Variants in NR6A1 observed in about 807,000 individuals in gnomAD.
NR6A1 encodes the protein nuclear receptor subfamily 6 group A member 1, also known as retinoic acid receptor-related testis-associated receptor.
In NR6A1, 7 loss-of-function variants were observed where a neutral mutation model predicts 59.1. That is an observed-to-expected ratio of 0.12 (90% CI 0.07 to 0.22). NR6A1 has a LOEUF of 0.22. NR6A1 is among the 10% of genes least tolerant of loss of function. The pLI, the probability that NR6A1 is intolerant of heterozygous loss-of-function variation, is 1.00. For missense variants in NR6A1, 468 were observed against 611.6 expected (o/e 0.77, Z 2.48); for synonymous variants, 243 against 236.1 (o/e 1.03, Z -0.27).
At chr9:124,618,271 C>A (rs1050921463) in intron 2 of NR6A1, among the ~76,000 whole-genome samples, 2 of 152,148 alleles carry the variant, frequency 1.3e-5, no homozygotes, top group African/African-American at 4.8e-5. Flanking sequence ...CACTTGAGGA[C>A]AAAAGTTCGA....
chr9:124,699,951 G>T (rs1588802289), intron 2 of NR6A1, among the ~76,000 whole-genome samples: 1 of 152,140 alleles, frequency 6.6e-6, no homozygotes, highest in East Asian at 1.9e-4. Context: ...CTACCTCCCG[G>T]GTTCAAGTAA....
intron 2 of NR6A1, among the ~76,000 whole-genome samples, chr9:124,579,032 G>A (rs996706998): frequency 3.3e-5 from 5 of 152,154 alleles, no homozygotes; most frequent in South Asian, 2.1e-4. Flanking sequence ...CTGTAATCCC[G>A]GCACTTTGGG....
At chr9:124,569,822 T>G (rs941562867) in intron 2 of NR6A1, among the ~76,000 whole-genome samples, 1 of 152,056 alleles carries the variant, frequency 6.6e-6, no homozygotes, top group Non-Finnish European at 1.5e-5. Context: ...CCACCGCACA[T>G]ACTACTATAA....
At chr9:124,665,278 T>C (rs1029223052) in intron 2 of NR6A1, among the ~76,000 whole-genome samples, 1 of 152,122 alleles carries the variant, frequency 6.6e-6, no homozygotes, top group African/African-American at 2.4e-5. Flanking sequence ...GCCTTGCCAT[T>C]TGTTGAAGTC....
At chr9:124,559,858 A>G (rs1455403491) in intron 2 of NR6A1, among the ~76,000 whole-genome samples, 3 of 152,220 alleles carry the variant, frequency 2.0e-5, no homozygotes, top group Non-Finnish European at 4.4e-5. Context: ...TGAATTATAT[A>G]GTATCAAAAT....
In NR6A1 at chr9:124,522,542, A is replaced by G. The variant is rs1832822856; in HGVS notation, c.*163T>C. On this transcript the variant is annotated 3_prime_UTR_variant, in exon 10 of 10. Coordinates refer to ENST00000487099, the MANE Select transcript of NR6A1 (RefSeq NM_033334.4). The stretch of plus-strand genomic sequence containing the variant: ...CGTGAAATAAATATATAGAAAAATG[A>G]GGTTAAAAAAACAGACAAACAAACA... 3.9e-6 allele frequency: 2 copies of G among 508,568 alleles called. No homozygotes were observed. The highest frequency in any genetic ancestry group is 1.9e-5 in the African/African-American group (1 of 51,948). The allele number at this position is 508,568 out of a possible 1,614,324, so 31.5% of individuals were successfully genotyped here. A position where few individuals can be genotyped will look rare whatever the true frequency, so the allele number is the denominator to read the frequency against.
chr9:124,699,909 T>A (rs748487147), intron 2 of NR6A1, among the ~76,000 whole-genome samples: 1 of 152,162 alleles, frequency 6.6e-6, no homozygotes, highest in Non-Finnish European at 1.5e-5. Context: ...CAGACTGGAG[T>A]GCAGTGGTAT....
intron 1 of NR6A1, among the ~76,000 whole-genome samples, chr9:124,741,892 G>A (rs961022313): frequency 2.0e-5 from 3 of 152,154 alleles, no homozygotes; most frequent in Non-Finnish European, 2.9e-5. Flanking sequence ...GAAAGTGCTC[G>A]GTAGCCATGA....
At chr9:124,740,261 A>G (rs1012675001) in intron 1 of NR6A1, among the ~76,000 whole-genome samples, 67 of 152,212 alleles carry the variant, frequency 4.4e-4, no homozygotes, top group African/African-American at 1.6e-3. Context: ...CCTTTCCTGC[A>G]AACACTCAAG....
chr9:124,590,014 G>A (rs1205970447), intron 2 of NR6A1, among the ~76,000 whole-genome samples: 6 of 123,114 alleles, frequency 4.9e-5, no homozygotes, highest in South Asian at 2.8e-4. Context: ...GCAGTGAGCC[G>A]AGATCGCACC....
At chr9:124,741,004 A>G (rs1462930558) in intron 1 of NR6A1, among the ~76,000 whole-genome samples, 1 of 152,216 alleles carries the variant, frequency 6.6e-6, no homozygotes, top group African/African-American at 2.4e-5. Flanking sequence ...AAATTTCAAG[A>G]GAACAATTTC....
At chr9:124,623,522 G>A (rs1461511208) in intron 2 of NR6A1, among the ~76,000 whole-genome samples, 4 of 147,082 alleles carry the variant, frequency 2.7e-5, no homozygotes, top group African/African-American at 1.1e-4. Flanking sequence ...ACCATGCCTG[G>A]CTAATTTTTT....
chr9:124,538,650 CAA>C (rs1054108363), intron 5 of NR6A1, among the ~76,000 whole-genome samples: 1 of 152,084 alleles, frequency 6.6e-6, no homozygotes, highest in African/African-American at 2.4e-5. Flanking sequence ...ACTATGATGA[CAA>C]AGTAGGTATT....
intron 2 of NR6A1, among the ~76,000 whole-genome samples, chr9:124,718,803 CTTTTTTTTT>C (rs11316308): frequency 1.5e-5 from 1 of 64,538 alleles, no homozygotes; most frequent in African/African-American, 5.7e-5. Context: ...AAATTGTTAC[CTTTTTTTTT>C]TTTTTTTTTT....
intron 2 of NR6A1, among the ~76,000 whole-genome samples, chr9:124,629,355 AAATAT>A (rs2130877160): frequency 1.3e-5 from 2 of 152,388 alleles, no homozygotes; most frequent in South Asian, 4.1e-4. Context: ...CAAGTTATTT[AAATAT>A]AATTATGACA....
chr9:124,692,428 G>A (rs763938684), intron 2 of NR6A1: 1 of 527,546 alleles, frequency 1.9e-6, no homozygotes, highest in Non-Finnish European at 3.9e-6. Context: ...CTTGGGATGT[G>A]GATGGGAGAA....
intron 2 of NR6A1, among the ~76,000 whole-genome samples, chr9:124,720,787 A>G (rs1255902735): frequency 6.6e-6 from 1 of 152,204 alleles, no homozygotes; most frequent in Non-Finnish European, 1.5e-5. Context: ...AGAAAAAAAA[A>G]GTTAATTTGT....
At chr9:124,592,494 G>A (rs1468798625) in intron 2 of NR6A1, among the ~76,000 whole-genome samples, 4 of 152,144 alleles carry the variant, frequency 2.6e-5, no homozygotes, top group Non-Finnish European at 5.9e-5. Context: ...GATTAAATCA[G>A]ATTTTCTTCC....
intron 2 of NR6A1, among the ~76,000 whole-genome samples, chr9:124,708,713 TAA>T: frequency 6.6e-6 from 1 of 152,334 alleles, no homozygotes; most frequent in South Asian, 2.1e-4. Flanking sequence ...TGTGTATATA[TAA>T]GCTGGACAAG....
Sources: gnomAD v4.1 joint callset for allele counts (sites outside exome capture counted in the v4.1 genomes callset) on GRCh38, gnomAD v4.1.1 for gene constraint, MANE v1.5 for transcripts, NCBI Gene and HGNC (gene_info 2026-07-23, HGNC 2026-07-21) for gene names.